Variants in FAT4 observed in about 807,000 individuals in gnomAD.
The protein encoded by FAT4 is FAT atypical cadherin 4.
FAT4 carries 84 observed loss-of-function variants against 303.9 expected under a neutral mutation model. That is an observed-to-expected ratio of 0.28 (90% CI 0.23 to 0.33). FAT4 has a LOEUF of 0.33. Among genes scored for constraint, FAT4 ranks in the 10% least tolerant of loss-of-function variants. The pLI is 1.00. For synonymous variants in FAT4, 2,307 were observed against 2,298.8 expected (o/e 1.00, Z -0.10); for missense variants, 6,005 against 6,146.8 (o/e 0.98, Z 0.77).
intron 2 of FAT4, among the ~76,000 whole-genome samples, chr4:125,349,046 G>C (rs1407918686): frequency 6.6e-6 from 1 of 151,708 alleles, no homozygotes; most frequent in Non-Finnish European, 1.5e-5. Context: ...CCACGATTAG[G>C]AAAGATTCTG....
chr4:125,442,079 A>G (rs1393357829), intron 8 of FAT4, among the ~76,000 whole-genome samples: 1 of 152,214 alleles, frequency 6.6e-6, no homozygotes, highest in Non-Finnish European at 1.5e-5. Context: ...AAAACTGAAT[A>G]TCTTTACAAT....
rs767728689 is a variant in FAT4, at chr4:125,416,568, C to T, written c.6964C>T (p.Leu2322=). 1.2e-6 allele frequency: 2 copies of T among 1,613,986 alleles called. No individual in the cohort carries two copies. The highest frequency in any genetic ancestry group is 2.2e-5 in the South Asian group (2 of 91,084). Residue 2322 remains leucine (L), a synonymous_variant, in exon 7 of 18, where the codon CTG becomes TTG. Coordinates refer to ENST00000394329, the MANE Select transcript of FAT4 (RefSeq NM_001291303.3). The stretch of plus-strand genomic sequence containing the variant: ...TGGAGAACTTGGAGTAACACAGAGT[C>T]TGGATCGGGAAACAAAAGAGCGCTT... The part of the protein sequence containing the change: ...ASGELGVTQS[L]DRETKERFVL...
intron 5 of FAT4, among the ~76,000 whole-genome samples, chr4:125,414,002 A>G (rs1052235785): frequency 6.6e-6 from 1 of 152,016 alleles, no homozygotes; most frequent in African/African-American, 2.4e-5. Context: ...AATTTTTCCA[A>G]TGTCATTAGG....
At position 125,456,932 on chromosome 4, in the gene FAT4, C is replaced by G. The variant is rs576090595; in HGVS notation, c.11800+4122C>G. Among the ~76,000 whole-genome samples the G allele has an allele frequency of 2.7e-4, 41 of 152,162 alleles. 1 individual carries two copies. The South Asian group carries it at 5.8e-3, about 22-fold the overall frequency. On this transcript the variant is annotated intron_variant, in intron 10 of 17. Transcript: ENST00000394329. ...TAGTAAAGCTTCACTTCTTCAAGGT[C>G]TGTATATAATTTTTGGCCATCAGAA...
chr4:125,427,701 A>AG (rs1400291614), intron 7 of FAT4, among the ~76,000 whole-genome samples: 2 of 152,176 alleles, frequency 1.3e-5, no homozygotes, highest in Non-Finnish European at 2.9e-5. Context: ...GGGGAAAAAA[A>AG]GAAGCTAATA....
intron 2 of FAT4, among the ~76,000 whole-genome samples, chr4:125,364,922 AAC>A (rs2125987461): frequency 6.6e-6 from 1 of 152,268 alleles, no homozygotes; most frequent in African/African-American, 2.4e-5. Context: ...ATGAAAAGAA[AAC>A]AGTTAGAGGT....
At chr4:125,387,417 A>G (rs1049448841) in intron 2 of FAT4, among the ~76,000 whole-genome samples, 1 of 152,074 alleles carries the variant, frequency 6.6e-6, no homozygotes, top group African/African-American at 2.4e-5. Flanking sequence ...TGGGGGCTGC[A>G]TTGTTTCTTA....
intron 2 of FAT4, among the ~76,000 whole-genome samples, chr4:125,356,733 A>G (rs901386181): frequency 1.3e-5 from 2 of 149,234 alleles, no homozygotes; most frequent in African/African-American, 4.9e-5. Flanking sequence ...TGAACATCAT[A>G]TAGACAGATA....
chr4:125,449,703 C>T lies in FAT4; in HGVS notation c.8693C>T (p.Ala2898Val), dbSNP rs369712573. Residue 2898 changes from alanine (A) to valine (V), a missense_variant, in exon 10 of 18, where the codon GCA (alanine) becomes GTA (valine). Ala to Val is a moderately conservative substitution (Grantham distance 64). Transcript: ENST00000394329. ...GGCTCCAAAGTAACTCAGGTATTTG[C>T]AACAGATCCTGATGAGGGATCAAAT... Reference protein sequence around the residue: ...EIGSKVTQVFATDPDEGSNGQ... With the variant: ...EIGSKVTQVFVTDPDEGSNGQ... The T allele has an allele frequency of 1.2e-6, 2 of 1,613,804 alleles. No individual in the cohort carries two copies. The highest frequency in any genetic ancestry group is 1.7e-5 in the Admixed American group (1 of 59,984).
In FAT4 at chr4:125,348,708, C is replaced by T. The variant is rs982227159; in HGVS notation, c.5175+27122C>T. ...CAAGACAGCCATATAAGGCTGTCTG[C>T]ATGGATAATAGCCATAATAATGTTG... is the stretch of plus-strand genomic sequence containing the variant. On this transcript the variant is annotated intron_variant, in intron 2 of 17. Coordinates refer to ENST00000394329, the MANE Select transcript of FAT4 (RefSeq NM_001291303.3). 2.0e-5 allele frequency among the ~76,000 whole-genome samples: 3 copies of T among 151,568 alleles called. No individual in the cohort carries two copies. The South Asian group carries it at 6.2e-4, about 31-fold the overall frequency.
intron 2 of FAT4, among the ~76,000 whole-genome samples, chr4:125,383,294 G>A (rs758916711): frequency 5.9e-5 from 9 of 152,246 alleles, no homozygotes; most frequent in South Asian, 2.1e-4. Context: ...AACACTTAGA[G>A]GCCATTGGAG....
In FAT4 at chr4:125,479,765, T is replaced by C. The variant is rs1727157819; in HGVS notation, c.12504T>C (p.Cys4168=). The part of the protein sequence containing the change: ...LDQCPRLEGA[C]TRSPCQHGGT... ...GATGCCCTAGGCTGGAAGGCGCTTG[T>C]ACTCGCAGCCCATGCCAACATGGTG... Residue 4168 remains cysteine (C), a synonymous_variant, in exon 15 of 18, where the codon TGT becomes TGC. Transcript: ENST00000394329. The C allele has an allele frequency of 6.3e-7, 1 of 1,598,220 alleles. No homozygotes were observed. The highest frequency in any genetic ancestry group is 1.7e-5 in the Admixed American group (1 of 59,908).
At position 125,448,461 on chromosome 4, in the gene FAT4, G is replaced by C. The variant is rs2126056595; in HGVS notation, c.7451G>C (p.Gly2484Ala). The change falls in exon 10 of 18, where the codon GGT becomes GCT. Residue 2484 changes from glycine to alanine, a missense_variant and splice_region_variant. Physicochemically the swap from Gly to Ala is moderately conservative, Grantham distance 60. Transcript: ENST00000394329. ...VTHIPSPTLPGSFVFAVTVTD... is the reference protein window; with the variant it reads ...VTHIPSPTLPASFVFAVTVTD... ...TAACTGCACACTTTCTCTTTTATAG[G>C]TTCCTTTGTCTTTGCGGTTACAGTC... The C allele has an allele frequency of 6.3e-7, 1 of 1,588,814 alleles. No homozygotes were observed. The highest frequency in any genetic ancestry group is 8.6e-7 in the Non-Finnish European group (1 of 1,169,278).
intron 10 of FAT4, among the ~76,000 whole-genome samples, chr4:125,454,878 A>G (rs979166130): frequency 1.3e-5 from 2 of 152,202 alleles, no homozygotes; most frequent in Non-Finnish European, 2.9e-5. Context: ...TGCAGTATTC[A>G]GTAATTGCAG....
chr4:125,416,159 G>A (rs765741532), intron 6 of FAT4, among the ~76,000 whole-genome samples: 1 of 152,072 alleles, frequency 6.6e-6, no homozygotes, highest in Non-Finnish European at 1.5e-5. Flanking sequence ...TATAAATATT[G>A]TTCTACTCTT....
intron 2 of FAT4, among the ~76,000 whole-genome samples, chr4:125,389,353 T>C (rs6830885): frequency 6.6e-5 from 10 of 152,112 alleles, no homozygotes; most frequent in African/African-American, 2.2e-4. Context: ...TTTCTTGTAC[T>C]AAAGTGTTTC....
intron 2 of FAT4, among the ~76,000 whole-genome samples, chr4:125,323,667 A>G (rs894642045): frequency 6.6e-6 from 1 of 152,182 alleles, no homozygotes; most frequent in Non-Finnish European, 1.5e-5. Context: ...CTAGAATTTC[A>G]TATTATTATT....
At chr4:125,433,783 ACT>A (rs1403666398) in intron 7 of FAT4, among the ~76,000 whole-genome samples, 1 of 152,052 alleles carries the variant, frequency 6.6e-6, no homozygotes, top group Non-Finnish European at 1.5e-5. Flanking sequence ...TACCTCAGAG[ACT>A]CTGGAATTTG....
Position 125,487,804 on chromosome 4 carries a change from A to G in FAT4, c.13084+198A>G, listed in dbSNP as rs563357406. On this transcript the variant is annotated intron_variant, in intron 17 of 17. Transcript: ENST00000394329. Reference sequence around the variant, plus strand: ...TAAATATCCTAAGAATGTCATAACTATCTTCAGAAAGTTTGTAATAAACTA... The same window carrying G: ...TAAATATCCTAAGAATGTCATAACTGTCTTCAGAAAGTTTGTAATAAACTA... Among the ~76,000 whole-genome samples the G allele has an allele frequency of 5.9e-5, 9 of 152,348 alleles. No individual in the cohort carries two copies. In the East Asian group the frequency reaches 1.7e-3, roughly 29 times the overall value.
Sources: allele counts gnomAD v4.1 joint callset (sites outside exome capture counted in the v4.1 genomes callset), GRCh38; gene constraint gnomAD v4.1.1; transcripts MANE v1.5; gene names NCBI Gene and HGNC (gene_info 2026-07-23, HGNC 2026-07-21).